The following NOB1 variants were observed in gnomAD, a reference collection of about 807,000 sequenced individuals.
NOB1 encodes NIN1 (RPN12) binding protein 1 homolog, also known as RNA-binding protein NOB1.
NOB1 carries 44 observed loss-of-function variants against 44.8 expected under a neutral mutation model. The ratio of observed to expected loss-of-function variants is 0.98; its 90% CI spans 0.77 to 1.26. NOB1 has a LOEUF of 1.26. NOB1 is among the 50% of genes most tolerant of loss of function. The pLI, the probability that NOB1 is intolerant of heterozygous loss-of-function variation, is 0.00. For missense variants in NOB1, 560 were observed against 544.8 expected (o/e 1.03, Z -0.28); for synonymous variants, 238 against 218.7 (o/e 1.09, Z -0.78).
chr16:69,742,011 C>A lies in NOB1; in HGVS notation c.*321G>T, dbSNP rs544792287. On this transcript the variant is annotated 3_prime_UTR_variant, in exon 9 of 9. Coordinates refer to ENST00000268802, the MANE Select transcript of NOB1 (RefSeq NM_014062.3). ...AATTTGGCCTATTTAATTAAATGCA[C>A]AGGAGGTTGCAGCCGCATTTATTAG... 5.4e-5 allele frequency: 15 copies of A among 277,394 alleles called. No homozygotes were observed. Among genetic ancestry groups the A allele is most frequent in the Non-Finnish European group, 8.9e-5 (13 of 145,934 alleles). 17.2% of individuals were successfully genotyped at this position (277,394 alleles called of 1,614,324 possible).
At chr16:69,747,468 C>G (rs2038443037) in intron 7 of NOB1, among the ~76,000 whole-genome samples, 1 of 152,164 alleles carries the variant, frequency 6.6e-6, no homozygotes, top group African/African-American at 2.4e-5. Flanking sequence ...ATGTACTCTT[C>G]TTTTTGTAAA....
chr16:69,749,494 G>T, intron 4 of NOB1, 65 bp downstream of exon 4: 1 of 1,546,376 alleles, frequency 6.5e-7, no homozygotes, highest in South Asian at 1.1e-5. Context: ...GTGAAGAGAT[G>T]ACTTAGAGAG....
chr16:69,754,808 C>T (rs765435057), intron 1 of NOB1, 40 bp downstream of exon 1: 2 of 1,608,784 alleles, frequency 1.2e-6, no homozygotes, highest in East Asian at 4.5e-5. Flanking sequence ...GAGGGGCGGC[C>T]AGCCCAGATC....
chr16:69,743,762 A>G (rs2038404976), intron 8 of NOB1, among the ~76,000 whole-genome samples: 1 of 152,198 alleles, frequency 6.6e-6, no homozygotes, highest in African/African-American at 2.4e-5. Flanking sequence ...GACCCAAAAA[A>G]TCCCCTTCTT....
At chr16:69,744,778 C>T in intron 8 of NOB1, 95 bp downstream of exon 8, 2 of 1,400,612 alleles carry the variant, frequency 1.4e-6, no homozygotes, top group Admixed American at 2.1e-5. Flanking sequence ...TTTCAATCGC[C>T]CATCTTGCAG....
Position 69,752,339 on chromosome 16 carries a change from G to A in NOB1, c.229C>T (p.Pro77Ser), listed in dbSNP as rs370088586. 28 of 1,613,574 alleles carry A rather than the reference G, an allele frequency of 1.7e-5. No individual in the cohort carries two copies. The African/African-American group carries it at 2.8e-4, about 16-fold the overall frequency. Reference protein sequence around the residue: ...TEFSKKTGDYPSLSATDIQVL... With the variant: ...TEFSKKTGDYSSLSATDIQVL... The stretch of plus-strand genomic sequence containing the variant: ...TGGATGTCCGTGGCAGAGAGGCTGG[G>A]GTAGTCTCCTGTTTTCTTTGAAAAC... The change falls in exon 3 of 9, where the codon CCC becomes TCC. Residue 77 changes from proline (P) to serine (S), a missense_variant. Pro to Ser is a moderately conservative substitution (Grantham distance 74). Transcript: ENST00000268802.
chr16:69,749,214 A>G lies in NOB1; in HGVS notation c.524T>C (p.Leu175Pro). 4 of 1,613,058 alleles carry G rather than the reference A, an allele frequency of 2.5e-6. No individual in the cohort carries two copies. Among genetic ancestry groups the G allele is most frequent in the Non-Finnish European group, 3.4e-6 (4 of 1,179,504 alleles). The change falls in exon 5 of 9, where the codon CTG (leucine) becomes CCG (proline). Residue 175 changes from leucine (L) to proline (P), a missense_variant and splice_region_variant. Leu to Pro is a moderately conservative substitution (Grantham distance 98). Transcript: ENST00000268802. ...PNIDHELQEL[L>P]IDRGEDVPSE... Reference sequence around the variant, plus strand: ...GAAGACCAAAAGTCAAGGCCTCACCAGCAGCTCCTGCAGTTCATGATCGAT... The same window carrying G: ...GAAGACCAAAAGTCAAGGCCTCACCGGCAGCTCCTGCAGTTCATGATCGAT...
chr16:69,749,657 T>C, intron 3 of NOB1, 27 bp from the exon 4 acceptor site: 2 of 1,524,608 alleles, frequency 1.3e-6, no homozygotes, highest in Non-Finnish European at 1.8e-6. Flanking sequence ...AACATATACC[T>C]CTTGTTATCA....
intron 7 of NOB1, among the ~76,000 whole-genome samples, chr16:69,747,953 T>G (rs1005922580): frequency 1.3e-5 from 2 of 152,004 alleles, no homozygotes; most frequent in Non-Finnish European, 2.9e-5. Flanking sequence ...GAGTCAGGAG[T>G]TCGAGACCAG....
chr16:69,744,464 C>T (rs968757553), intron 8 of NOB1, among the ~76,000 whole-genome samples: 14 of 152,200 alleles, frequency 9.2e-5, no homozygotes, highest in Admixed American at 2.0e-4. Flanking sequence ...GCCACTCATT[C>T]GTCCTCCAAT....
Position 69,748,313 on chromosome 16 carries a change from A to G in NOB1, c.743T>C (p.Met248Thr). 1.2e-6 allele frequency: 2 copies of G among 1,613,796 alleles called. No homozygotes were observed. Among genetic ancestry groups the G allele is most frequent in the Non-Finnish European group, 1.7e-6 (2 of 1,179,764 alleles). ...GTTCACCGCCAGCACGTGCAGCCCC[A>G]TCTGCAGCAGAACATTCTACAACCA... ...DFAMQNVLLQMGLHVLAVNGM... is the reference protein window; with the variant it reads ...DFAMQNVLLQTGLHVLAVNGM... Residue 248 changes from methionine to threonine, a missense_variant, in exon 7 of 9, where the codon ATG (methionine) becomes ACG (threonine). Transcript: ENST00000268802.
intron 2 of NOB1, 112 bp downstream of exon 2, chr16:69,754,482 G>A (rs2038507917): frequency 1.4e-6 from 2 of 1,409,006 alleles, no homozygotes; most frequent in Middle Eastern, 1.8e-4. Context: ...GAAAGTGCTG[G>A]CTCTAAATCT....
intron 3 of NOB1, among the ~76,000 whole-genome samples, chr16:69,751,960 G>A (rs887772706): frequency 6.6e-6 from 1 of 151,992 alleles, no homozygotes; most frequent in Non-Finnish European, 1.5e-5. Context: ...AACTACTCTC[G>A]AGACTGAGGC....
At chr16:69,748,352 A>G in intron 6 of NOB1, 23 bp from the exon 7 acceptor site, 1 of 1,597,290 alleles carries the variant, frequency 6.3e-7, no homozygotes, top group Non-Finnish European at 8.6e-7. Context: ...GTTAAAGAAG[A>G]AATCAATTTT....
chr16:69,742,225 T>C lies in NOB1; in HGVS notation c.*107A>G, dbSNP rs1597613370. The C allele has an allele frequency of 1.4e-6, 2 of 1,420,432 alleles. No homozygotes were observed. Among genetic ancestry groups the C allele is most frequent in the East Asian group, 2.3e-5 (1 of 43,734 alleles). 88.0% of individuals were successfully genotyped at this position (1,420,432 alleles called of 1,614,324 possible). A position where few individuals can be genotyped will look rare whatever the true frequency, so the allele number is the denominator to read the frequency against. ...ACAGAGCCGCACCGTGAAGCCCGCC[T>C]GTTATTTCCATCGGGTGGTCCTGGA... On this transcript the variant is annotated 3_prime_UTR_variant, in exon 9 of 9. Transcript: ENST00000268802.
In NOB1 at chr16:69,742,087, T is replaced by C; in HGVS notation, c.*245A>G. 2.2e-6 allele frequency: 1 copy of C among 455,010 alleles called. No homozygotes were observed. The highest frequency in any genetic ancestry group is 3.9e-6 in the Non-Finnish European group (1 of 254,884). The allele number at this position is 455,010 out of a possible 1,614,324, so 28.2% of individuals were successfully genotyped here. On this transcript the variant is annotated 3_prime_UTR_variant, in exon 9 of 9. Coordinates refer to ENST00000268802, the MANE Select transcript of NOB1 (RefSeq NM_014062.3). ...TTTCTTGAAGATTGGCTCCAGGGCG[T>C]TGTTCTTTCTGTTTTTATGCAATTG...
chr16:69,745,551 G>A (rs1223434718), intron 7 of NOB1, among the ~76,000 whole-genome samples: 7 of 152,208 alleles, frequency 4.6e-5, no homozygotes, highest in Admixed American at 3.9e-4. Context: ...CTCTGGAGGC[G>A]GCAGAGCATA....
At position 69,754,715 on chromosome 16, in the gene NOB1, C is replaced by G. The variant is rs773802175; in HGVS notation, c.75G>C (p.Lys25Asn). 5.0e-6 allele frequency: 8 copies of G among 1,614,066 alleles called. No individual in the cohort carries two copies. The highest frequency in any genetic ancestry group is 6.8e-6 in the Non-Finnish European group (8 of 1,180,050). The change falls in exon 2 of 9, where the codon AAG becomes AAC. Residue 25 changes from lysine (K) to asparagine (N), a missense_variant. Transcript: ENST00000268802. ...LRHAALQDIG[K>N]NIYTIREVVT... Reference sequence around the variant, plus strand: ...CCACCTCCCGGATGGTGTAAATGTTCTTCCCGATGTCCTGCGGACAGAACG... The same window carrying G: ...CCACCTCCCGGATGGTGTAAATGTTGTTCCCGATGTCCTGCGGACAGAACG...
rs568290876 is a variant in NOB1, at chr16:69,751,846, G to A, written c.327+395C>T. Among the ~76,000 whole-genome samples the A allele has an allele frequency of 1.3e-4, 20 of 152,306 alleles. No individual in the cohort carries two copies. The South Asian group carries it at 4.1e-3, about 32-fold the overall frequency. On this transcript the variant is annotated intron_variant, in intron 3 of 8. Transcript: ENST00000268802. ...GGAGGCCGAGGCGGGCGCATCACCTGAAGTCAGGAGTTCGAGACCAGCCTG... is the reference window on the plus strand; with the variant it reads ...GGAGGCCGAGGCGGGCGCATCACCTAAAGTCAGGAGTTCGAGACCAGCCTG...
Sources: gnomAD v4.1 joint callset for allele counts (sites outside exome capture counted in the v4.1 genomes callset) on GRCh38, gnomAD v4.1.1 for gene constraint, MANE v1.5 for transcripts, NCBI Gene and HGNC (gene_info 2026-07-23, HGNC 2026-07-21) for gene names.